Variants in SPATA7 observed in about 807,000 individuals in gnomAD.
SPATA7 encodes the protein spermatogenesis associated 7, also known as spermatogenesis-associated protein 7.
Under a neutral mutation model 51.8 loss-of-function variants are expected in SPATA7, and 43 were observed. That is an observed-to-expected ratio of 0.83 (90% confidence interval 0.65 to 1.07). The LOEUF (loss-of-function observed/expected upper bound fraction) is 1.07, where lower values mean the gene tolerates loss of function less well. SPATA7 is among the 50% of genes least tolerant of loss of function. The pLI is 0.00. For missense variants in SPATA7, 683 were observed against 701.3 expected (o/e 0.97, Z 0.30); for synonymous variants, 230 against 252.8 (o/e 0.91, Z 0.86).
At chr14:88,454,689 T>C (rs973542939) in intron 3 of SPATA7, among the ~76,000 whole-genome samples, 1 of 151,932 alleles carries the variant, frequency 6.6e-6, no homozygotes, top group Admixed American at 6.6e-5. Flanking sequence ...ACAGCTGTAG[T>C]CCTAGCTAAT....
In SPATA7 at chr14:88,426,398, C is replaced by T. The variant is rs777633193; in HGVS notation, c.539C>T (p.Pro180Leu). The change falls in exon 6 of 12, where the codon CCG becomes CTG. Residue 180 changes from proline (P) to leucine (L), a missense_variant. Physicochemically the swap from Pro to Leu is moderately conservative, Grantham distance 98. Transcript: ENST00000393545. Reference sequence around the variant, plus strand: ...CCTGAGAAGAACTCCAGTTCCTCCCCGTCCAGTGTGGATTATGCAGCCTCC... The same window carrying T: ...CCTGAGAAGAACTCCAGTTCCTCCCTGTCCAGTGTGGATTATGCAGCCTCC... ...NGPEKNSSSS[P>L]SSVDYAASGP... 37 of 1,614,058 alleles carry T rather than the reference C, an allele frequency of 2.3e-5. No individual in the cohort carries two copies. The highest frequency in any genetic ancestry group is 2.2e-5 in the Non-Finnish European group (26 of 1,180,028).
intron 4 of SPATA7, chr14:88,465,642 T>A (rs74072625): frequency 2.0e-5 from 3 of 152,140 alleles, no homozygotes; most frequent in African/African-American, 7.2e-5. Context: ...TTGATAATTC[T>A]TATTAAAAGA....
At chr14:88,421,373 T>TA (rs1388244042) in intron 5 of SPATA7, among the ~76,000 whole-genome samples, 3 of 151,942 alleles carry the variant, frequency 2.0e-5, no homozygotes, top group Admixed American at 6.6e-5. Flanking sequence ...TGATGTGGTT[T>TA]AAAAAAAACT....
chr14:88,425,878 T>C (rs2076775993), intron 5 of SPATA7, among the ~76,000 whole-genome samples: 1 of 152,146 alleles, frequency 6.6e-6, no homozygotes, highest in African/African-American at 2.4e-5. Flanking sequence ...TCACTAATAG[T>C]GGTTGAGAAG....
chr14:88,422,970 T>G (rs2076687287), intron 5 of SPATA7, among the ~76,000 whole-genome samples: 1 of 152,218 alleles, frequency 6.6e-6, no homozygotes, highest in African/African-American at 2.4e-5. Context: ...CCTCTGAATG[T>G]ATTAGCCCTT....
In SPATA7 at chr14:88,426,303, G is replaced by A. The variant is rs759344161; in HGVS notation, c.444G>A (p.Arg148=). The change falls in exon 6 of 12, where the codon AGG becomes AGA. Residue 148 remains arginine (R), a synonymous_variant. Transcript: ENST00000393545. ...EEMNGFSSFA[R]SLVPSSERLH... is the part of the protein sequence containing the mutation. ...TGAATGGATTTTCATCCTTTGCAAG[G>A]TCACTAGTACCCTCTTCAGAGAGAC... 3.1e-6 allele frequency: 5 copies of A among 1,613,876 alleles called. No homozygotes were observed. Among genetic ancestry groups the A allele is most frequent in the East Asian group, 4.5e-5 (2 of 44,886 alleles).
Position 88,469,848 on chromosome 14 carries a change from T to G in SPATA7, c.257T>G (p.Val86Gly), listed in dbSNP as rs776918520. ...CCTACCCTGCCTTTTTCTCCACAGG[T>G]CAGGATTCCAGATGATTAACATTAA... The change falls in exon 5 of 5, where the codon GTC becomes GGC. Residue 86 changes from valine to glycine, a missense_variant and splice_region_variant. Transcript: ENST00000556406. This position sits in a 1 kb window ranked among gnomAD's most constrained non-coding sequence, Gnocchi z 4.3. The G allele has an allele frequency of 6.2e-7, 1 of 1,607,896 alleles. No homozygotes were observed. Among genetic ancestry groups the G allele is most frequent in the East Asian group, 2.2e-5 (1 of 44,862 alleles).
At chr14:88,437,073 CTTT>C (rs771890040) in intron 10 of SPATA7, among the ~76,000 whole-genome samples, 3 of 137,886 alleles carry the variant, frequency 2.2e-5, no homozygotes, top group African/African-American at 5.2e-5. Flanking sequence ...AATATTTTTC[CTTT>C]TTTTTTTTTG....
chr14:88,421,734 A>G (rs1266766457), intron 5 of SPATA7, among the ~76,000 whole-genome samples: 6 of 152,128 alleles, frequency 3.9e-5, no homozygotes, highest in African/African-American at 1.2e-4. Flanking sequence ...GCGGATCACA[A>G]GGTCAGGAGT....
chr14:88,462,372 A>G (rs1450933084), intron 4 of SPATA7, among the ~76,000 whole-genome samples: 2 of 152,252 alleles, frequency 1.3e-5, no homozygotes, highest in Non-Finnish European at 2.9e-5. Flanking sequence ...AAAAAAATTG[A>G]GGCCTGACAG....
intron 7 of SPATA7, 25 bp downstream of exon 7, chr14:88,427,721 A>G (rs777598887): frequency 8.0e-6 from 12 of 1,493,098 alleles, no homozygotes; most frequent in Non-Finnish European, 1.1e-5. Context: ...ATCTTTTGGT[A>G]TTGCTACATT....
chr14:88,434,463 G>T (rs762039723), intron 10 of SPATA7, among the ~76,000 whole-genome samples: 3 of 152,092 alleles, frequency 2.0e-5, no homozygotes, highest in Non-Finnish European at 2.9e-5. Flanking sequence ...AAGGTGGGCG[G>T]ATCACAAGGT....
chr14:88,431,122 T>C (rs1444368705), intron 8 of SPATA7, 50 bp from the exon 9 acceptor site: 4 of 1,506,246 alleles, frequency 2.7e-6, no homozygotes, highest in South Asian at 1.1e-5. Context: ...TGAGTACTTA[T>C]TGTATGCCAA....
rs753995098 is a variant in SPATA7, at chr14:88,396,192, C to G, written c.227C>G (p.Thr76Ser). Residue 76 changes from threonine (T) to serine (S), a missense_variant, in exon 4 of 12, where the codon ACC (threonine) becomes AGC (serine). By Grantham distance (58) the Thr-to-Ser change is moderately conservative. Transcript: ENST00000393545. ...TGCTCGGTTCCAGTAAGCGTGAGTA[C>G]CAGCATAAAGTGTAAGTAATTTTTG... is the stretch of plus-strand genomic sequence containing the variant. Reference protein sequence around the residue: ...VDCSVPVSVSTSIKYADQQRR... With the variant: ...VDCSVPVSVSSSIKYADQQRR... The G allele has an allele frequency of 3.1e-6, 5 of 1,608,586 alleles. No homozygotes were observed. Among genetic ancestry groups the G allele is most frequent in the Non-Finnish European group, 4.2e-6 (5 of 1,176,804 alleles).
chr14:88,457,060 C>T (rs534440961), downstream of SPATA7, among the ~76,000 whole-genome samples: 4 of 152,188 alleles, frequency 2.6e-5, no homozygotes, highest in South Asian at 8.3e-4. Flanking sequence ...TTTCTGAGGG[C>T]TCTGTTCTGT....
chr14:88,435,839 C>T (rs2077072315), intron 10 of SPATA7, among the ~76,000 whole-genome samples: 2 of 152,122 alleles, frequency 1.3e-5, no homozygotes, highest in South Asian at 4.1e-4. Context: ...TTAATGGACA[C>T]TTAGTTGCTT....
At chr14:88,448,978 G>C (rs150278214) in intron 3 of SPATA7, among the ~76,000 whole-genome samples, 87 of 152,092 alleles carry the variant, frequency 5.7e-4, no homozygotes, top group African/African-American at 1.7e-3. Flanking sequence ...TCTCACTAAT[G>C]GTCTATCAAT....
At chr14:88,386,921 C>T (rs978011107) in intron 1 of SPATA7, among the ~76,000 whole-genome samples, 7 of 152,148 alleles carry the variant, frequency 4.6e-5, no homozygotes, top group Non-Finnish European at 8.8e-5. Flanking sequence ...CTTCACCAAC[C>T]TAGGTTTCAG....
chr14:88,414,561 C>G (rs2076424299), intron 4 of SPATA7: 1 of 270,052 alleles, frequency 3.7e-6, no homozygotes, highest in Admixed American at 5.2e-5. Context: ...TCAATTATTT[C>G]TGCTTTTAGA....
Sources: gnomAD v4.1 joint callset for allele counts (sites outside exome capture counted in the v4.1 genomes callset) on GRCh38, gnomAD v4.1.1 for gene constraint, Gnocchi (gnomAD v3.1) non-coding constraint, MANE v1.5 for transcripts, NCBI Gene and HGNC (gene_info 2026-07-23, HGNC 2026-07-21) for gene names.